The following ANK3 variants were observed in gnomAD, a reference collection of about 807,000 sequenced individuals.
ANK3 encodes the protein ankyrin 3, also known as ankyrin-3.
In ANK3, 57 loss-of-function variants were observed where a neutral mutation model predicts 370.9. That is an observed-to-expected ratio of 0.15 (90% CI 0.12 to 0.19). The LOEUF is 0.19. ANK3 is among the 10% of genes least tolerant of loss of function. The pLI is 1.00. For missense variants in ANK3, 4,439 were observed against 5,302.1 expected (o/e 0.84, Z 5.06); for synonymous variants, 1,929 against 1,946.3 (o/e 0.99, Z 0.23).
chr10:60,588,557 A>AGG (rs1350594678), intron 2 of ANK3, among the ~76,000 whole-genome samples: 1 of 152,084 alleles, frequency 6.6e-6, no homozygotes, highest in Non-Finnish European at 1.5e-5. Context: ...CCAATATCAC[A>AGG]GGGATGCAAC....
chr10:60,114,930 A>C (rs551940457), intron 25 of ANK3, among the ~76,000 whole-genome samples: 10 of 152,310 alleles, frequency 6.6e-5, no homozygotes, highest in African/African-American at 2.4e-4. Flanking sequence ...GTCAGTTACC[A>C]GTGCAAACAG....
intron 2 of ANK3, among the ~76,000 whole-genome samples, chr10:60,601,313 G>C (rs1288878970): frequency 6.7e-6 from 1 of 149,190 alleles, no homozygotes; most frequent in African/African-American, 2.5e-5. Flanking sequence ...TATGGAAAGA[G>C]AGAAAAAAAA....
intron 8 of ANK3, among the ~76,000 whole-genome samples, chr10:60,228,579 A>G (rs2097198887): frequency 6.6e-6 from 1 of 151,428 alleles, no homozygotes; most frequent in African/African-American, 2.4e-5. Context: ...GTGCTTTTAT[A>G]TGCTTCTTAT....
At chr10:60,399,936 C>T (rs1035029438) in intron 2 of ANK3, among the ~76,000 whole-genome samples, 1 of 151,932 alleles carries the variant, frequency 6.6e-6, no homozygotes, top group Admixed American at 6.6e-5. Flanking sequence ...GTTGCATTAG[C>T]CCTTTTCTAG....
chr10:60,205,582 T>C (rs76460032), intron 11 of ANK3, among the ~76,000 whole-genome samples: 5,883 of 152,272 alleles, frequency 0.039, 362 homozygotes, highest in African/African-American at 0.13. Flanking sequence ...TTTCTTGACA[T>C]GGTGATACAT....
intron 1 of ANK3, among the ~76,000 whole-genome samples, chr10:60,364,113 G>T (rs1331040028): frequency 1.3e-5 from 2 of 151,716 alleles, no homozygotes. Context: ...GGCCAACATG[G>T]TGAAGCCCTG....
At chr10:60,102,987 T>C (rs538500623) in intron 28 of ANK3, among the ~76,000 whole-genome samples, 1 of 152,188 alleles carries the variant, frequency 6.6e-6, no homozygotes, top group African/African-American at 2.4e-5. Flanking sequence ...AAAGTCTTGC[T>C]GTCGTCAGGC....
intron 2 of ANK3, among the ~76,000 whole-genome samples, chr10:60,495,528 T>C (rs987973549): frequency 6.6e-6 from 1 of 152,082 alleles, no homozygotes; most frequent in Non-Finnish European, 1.5e-5. Context: ...CAAAAGCTAG[T>C]CTCAGAATTC....
At chr10:60,472,707 C>T (rs2133085362) in intron 2 of ANK3, among the ~76,000 whole-genome samples, 2 of 152,234 alleles carry the variant, frequency 1.3e-5, no homozygotes, top group Admixed American at 1.3e-4. Context: ...GGTCAGGCAA[C>T]AGCAACCGCA....
intron 1 of ANK3, among the ~76,000 whole-genome samples, chr10:60,282,923 C>T (rs1259299307): frequency 6.6e-6 from 1 of 152,084 alleles, no homozygotes; most frequent in Non-Finnish European, 1.5e-5. Flanking sequence ...ATTACAAAGC[C>T]CACAGAAAAA....
chr10:60,140,033 C>T (rs928097556), intron 23 of ANK3: 37 of 411,060 alleles, frequency 9.0e-5, no homozygotes, highest in Middle Eastern at 6.6e-4. Flanking sequence ...CAAAAGTGTA[C>T]ATGTTGTGTT....
chr10:60,052,781 C>A (rs1817474661), intron 42 of ANK3, among the ~76,000 whole-genome samples: 1 of 151,720 alleles, frequency 6.6e-6, no homozygotes, highest in Non-Finnish European at 1.5e-5. Context: ...ATCTAATAGT[C>A]CCAGAGACAG....
chr10:60,099,775 C>T (rs2090844979), intron 28 of ANK3, among the ~76,000 whole-genome samples: 2 of 152,122 alleles, frequency 1.3e-5, no homozygotes, highest in Admixed American at 6.5e-5. Context: ...TCAATAACCT[C>T]GCATGAGCAG....
intron 1 of ANK3, among the ~76,000 whole-genome samples, chr10:60,328,602 C>A (rs1251946726): frequency 6.6e-6 from 1 of 152,132 alleles, no homozygotes; most frequent in East Asian, 1.9e-4. Flanking sequence ...GAAGTCCAAT[C>A]CCTGAATGGA....
At chr10:60,452,925 C>T (rs1225657168) in intron 2 of ANK3, among the ~76,000 whole-genome samples, 1 of 152,156 alleles carries the variant, frequency 6.6e-6, no homozygotes, top group Non-Finnish European at 1.5e-5. Context: ...ACCAATCATC[C>T]CAGCACACTT....
At chr10:60,729,787 T>G (rs899815303) in intron 1 of ANK3, among the ~76,000 whole-genome samples, 3 of 152,232 alleles carry the variant, frequency 2.0e-5, no homozygotes, top group Non-Finnish European at 4.4e-5. Context: ...ATCTGATTGC[T>G]TTCTTCTTGT....
intron 42 of ANK3, among the ~76,000 whole-genome samples, chr10:60,050,993 G>A (rs1589262558): frequency 6.6e-6 from 1 of 151,138 alleles, no homozygotes; most frequent in East Asian, 2.0e-4. Flanking sequence ...GCCACTGATT[G>A]CTTATGAAGA....
At chr10:60,089,497 G>C (rs868229500) in intron 28 of ANK3, among the ~76,000 whole-genome samples, 1 of 127,382 alleles carries the variant, frequency 7.9e-6, no homozygotes. Context: ...GTGTGTGTGT[G>C]TGTGTGTGTG....
intron 1 of ANK3, among the ~76,000 whole-genome samples, chr10:60,645,830 G>A (rs569860075): frequency 3.9e-5 from 6 of 152,274 alleles, no homozygotes; most frequent in Admixed American, 6.5e-5. Flanking sequence ...TGATCTGTCC[G>A]AAAGATTTTG....
Sources: gnomAD v4.1 joint callset for allele counts (sites outside exome capture counted in the v4.1 genomes callset) on GRCh38, gnomAD v4.1.1 for gene constraint, MANE v1.5 for transcripts, NCBI Gene and HGNC (gene_info 2026-07-23, HGNC 2026-07-21) for gene names.